DCDC2: variants seen among roughly 807,000 people sequenced by gnomAD.
The protein encoded by DCDC2 is doublecortin domain-containing protein 2.
A neutral mutation model predicts 50.2 loss-of-function variants in DCDC2; 40 were observed. The observed-to-expected ratio is 0.80, with a 90% CI of 0.62 to 1.04. The LOEUF (loss-of-function observed/expected upper bound fraction) is 1.04. Among genes scored for constraint, DCDC2 ranks in the 50% least tolerant of loss-of-function variants. The pLI is 0.00. For synonymous variants in DCDC2, 234 were observed against 210.6 expected (o/e 1.11, Z -0.96); for missense variants, 570 against 581.9 (o/e 0.98, Z 0.21).
intron 7 of DCDC2, among the ~76,000 whole-genome samples, chr6:24,212,075 A>G (rs1761883791): frequency 6.6e-6 from 1 of 152,086 alleles, no homozygotes; most frequent in East Asian, 1.9e-4. Context: ...GCAGCATTAG[A>G]TTCTCATAGG....
intron 2 of DCDC2, among the ~76,000 whole-genome samples, chr6:24,324,725 G>A (rs1759828190): frequency 6.6e-6 from 1 of 151,944 alleles, no homozygotes; most frequent in Admixed American, 6.6e-5. Context: ...TCTACAAAAA[G>A]TTAAAAATTT....
chr6:24,348,071 T>C (rs1276071814), intron 2 of DCDC2, among the ~76,000 whole-genome samples: 3 of 152,138 alleles, frequency 2.0e-5, no homozygotes, highest in Non-Finnish European at 4.4e-5. Flanking sequence ...TAAAGCCTAA[T>C]CAGAAGTCTA....
intron 2 of DCDC2, among the ~76,000 whole-genome samples, chr6:24,337,358 T>C (rs940438223): frequency 6.6e-6 from 1 of 152,124 alleles, no homozygotes; most frequent in South Asian, 2.1e-4. Context: ...CAAAGCCTTT[T>C]CAAGCACTGT....
At chr6:24,192,635 G>C (rs1561884608) in intron 8 of DCDC2, among the ~76,000 whole-genome samples, 1 of 152,126 alleles carries the variant, frequency 6.6e-6, no homozygotes, top group Non-Finnish European at 1.5e-5. Context: ...TTCAGAGAAT[G>C]TGAAAGAGCT....
At chr6:24,358,071 G>T, upstream of DCDC2, 1 of 853,212 alleles carries the variant, frequency 1.2e-6, no homozygotes, top group East Asian at 2.8e-5. Context: ...AGCAGGAGCC[G>T]GAAACGCGCG....
intron 2 of DCDC2, among the ~76,000 whole-genome samples, chr6:24,327,635 G>A (rs1321590168): frequency 5.3e-5 from 8 of 151,736 alleles, no homozygotes; most frequent in Middle Eastern, 3.4e-3. Flanking sequence ...CACCACACCC[G>A]GCTAATTTTT....
chr6:24,318,170 C>T (rs938676850), intron 2 of DCDC2, among the ~76,000 whole-genome samples: 2 of 150,008 alleles, frequency 1.3e-5, no homozygotes, highest in African/African-American at 5.0e-5. Context: ...TATATACCTC[C>T]AACAAATGAG....
intron 7 of DCDC2, among the ~76,000 whole-genome samples, chr6:24,267,439 T>C (rs930965399): frequency 6.6e-6 from 1 of 152,238 alleles, no homozygotes; most frequent in Non-Finnish European, 1.5e-5. Context: ...ACCTACTATG[T>C]GCCCATGAAA....
At chr6:24,373,283 C>G in the DCDC2 span, among the ~76,000 whole-genome samples, 4 of 152,318 alleles carry the variant, frequency 2.6e-5, no homozygotes, top group Non-Finnish European at 5.9e-5. Flanking sequence ...CAGGAGACAT[C>G]TACAACAATG....
intron 7 of DCDC2, among the ~76,000 whole-genome samples, chr6:24,206,320 T>C (rs766008248): frequency 1.5e-4 from 23 of 151,800 alleles, no homozygotes; most frequent in Non-Finnish European, 2.4e-4. Context: ...GGAAGGGCAA[T>C]AGCAGAGTAT....
intron 2 of DCDC2, among the ~76,000 whole-genome samples, chr6:24,352,398 G>A (rs1760390271): frequency 6.6e-6 from 1 of 152,032 alleles, no homozygotes; most frequent in Admixed American, 6.5e-5. Context: ...GATATCAACT[G>A]GTGGTCATTC....
intron 7 of DCDC2, among the ~76,000 whole-genome samples, chr6:24,230,400 G>A (rs1395849847): frequency 6.6e-6 from 1 of 152,166 alleles, no homozygotes. Flanking sequence ...CCAGCATTTT[G>A]GGAGGCTGAG....
At chr6:24,349,105 T>C (rs1276534607) in intron 2 of DCDC2, among the ~76,000 whole-genome samples, 2 of 152,156 alleles carry the variant, frequency 1.3e-5, no homozygotes, top group Non-Finnish European at 2.9e-5. Context: ...GGATGAGACA[T>C]GAGGTGCAGG....
At chr6:24,354,078 A>C (rs1760423419) in intron 1 of DCDC2, among the ~76,000 whole-genome samples, 1 of 152,190 alleles carries the variant, frequency 6.6e-6, no homozygotes, top group African/African-American at 2.4e-5. Flanking sequence ...GAGCACCTTA[A>C]TGATACAAAA....
intron 7 of DCDC2, among the ~76,000 whole-genome samples, chr6:24,258,013 A>G (rs1385000074): frequency 6.6e-6 from 1 of 152,168 alleles, no homozygotes; most frequent in East Asian, 1.9e-4. Context: ...GTAAGAGGAG[A>G]CACGGAGGGG....
chr6:24,288,540 G>A (rs544265516), intron 6 of DCDC2, among the ~76,000 whole-genome samples: 4 of 152,274 alleles, frequency 2.6e-5, no homozygotes, highest in Non-Finnish European at 5.9e-5. Context: ...ACCAAGACTG[G>A]ATGATCATTG....
At chr6:24,181,179 C>G (rs1028634398) in intron 8 of DCDC2, among the ~76,000 whole-genome samples, 3 of 152,146 alleles carry the variant, frequency 2.0e-5, no homozygotes, top group Non-Finnish European at 4.4e-5. Context: ...GAATGATGGA[C>G]AGAAACTCAG....
chr6:24,326,838 G>C, intron 2 of DCDC2, among the ~76,000 whole-genome samples: 1 of 143,636 alleles, frequency 7.0e-6, no homozygotes, highest in African/African-American at 2.5e-5. Flanking sequence ...CAGCCTGGGT[G>C]ACAGAGCGAG....
Position 24,358,033 on chromosome 6 carries a change from C to T in DCDC2, c.-283G>A. On this transcript the variant is annotated 5_prime_UTR_variant, in exon 1 of 10. Coordinates refer to ENST00000378454, the MANE Select transcript of DCDC2 (RefSeq NM_016356.5). ...CGCACCACACCAGGTTCACCTGCTA[C>T]GGGCAGAATCAAGGTGGACAGCTTC... is the stretch of plus-strand genomic sequence containing the variant. The T allele has an allele frequency of 1.7e-6, 2 of 1,185,274 alleles. No individual in the cohort carries two copies. Among genetic ancestry groups the T allele is most frequent in the South Asian group, 1.7e-5 (1 of 58,962 alleles). The allele number at this position is 1,185,274 out of a possible 1,614,324, so 73.4% of individuals were successfully genotyped here. A position where few individuals can be genotyped will look rare whatever the true frequency, so the allele number is the denominator to read the frequency against.
Sources: allele counts gnomAD v4.1 joint callset (sites outside exome capture counted in the v4.1 genomes callset), GRCh38; gene constraint gnomAD v4.1.1; transcripts MANE v1.5; gene names NCBI Gene and HGNC (gene_info 2026-07-23, HGNC 2026-07-21).